BEND3: variants seen among roughly 807,000 people sequenced by gnomAD.
BEND3 encodes BEN domain-containing protein 3.
A neutral mutation model predicts 60.1 loss-of-function variants in BEND3; 13 were observed. The observed-to-expected ratio is 0.22, with a 90% CI of 0.14 to 0.34. The LOEUF is 0.34. Among genes scored for constraint, BEND3 ranks in the 10% least tolerant of loss-of-function variants. The probability of loss-of-function intolerance (pLI) is 1.00; values close to 1 mark genes in which losing one functional copy is unlikely to be tolerated. For missense variants in BEND3, 896 were observed against 1,138.1 expected (o/e 0.79, Z 3.06); for synonymous variants, 497 against 491.5 (o/e 1.01, Z -0.15).
chr6:107,107,423 T>G (rs1327848527), intron 1 of BEND3, among the ~76,000 whole-genome samples: 3 of 121,842 alleles, frequency 2.5e-5, no homozygotes, highest in Admixed American at 9.4e-5. Context: ...TTATAAAGCT[T>G]CTTTTTTTTT....
chr6:107,104,234 G>A (rs1554237094), intron 1 of BEND3, among the ~76,000 whole-genome samples: 1 of 149,404 alleles, frequency 6.7e-6, no homozygotes, highest in African/African-American at 2.5e-5. Context: ...AGCCTGCAGT[G>A]AGCCGAGATC....
At chr6:107,075,681 G>A (rs782679390) in intron 3 of BEND3, among the ~76,000 whole-genome samples, 1 of 152,136 alleles carries the variant, frequency 6.6e-6, no homozygotes, top group Non-Finnish European at 1.5e-5. Flanking sequence ...TTAAAATAAG[G>A]TTCCATTAGC....
At chr6:107,104,392 G>A (rs1002081657) in intron 1 of BEND3, among the ~76,000 whole-genome samples, 1 of 151,894 alleles carries the variant, frequency 6.6e-6, no homozygotes, top group Non-Finnish European at 1.5e-5. Context: ...ATTTTAAGAG[G>A]GAAGATACAT....
chr6:107,092,484 A>G (rs76415614), intron 3 of BEND3, among the ~76,000 whole-genome samples: 4,281 of 152,262 alleles, frequency 0.028, 185 homozygotes, highest in African/African-American at 0.097. Flanking sequence ...TCTCAACTTG[A>G]AAAAGAACAC....
intron 3 of BEND3, among the ~76,000 whole-genome samples, chr6:107,089,858 G>A (rs1333617957): frequency 6.6e-6 from 1 of 151,086 alleles, no homozygotes; most frequent in Non-Finnish European, 1.5e-5. Flanking sequence ...GCCTCCCAAA[G>A]TGCTGGGATT....
At chr6:107,102,884 C>T (rs934884922) in intron 1 of BEND3, among the ~76,000 whole-genome samples, 2 of 152,152 alleles carry the variant, frequency 1.3e-5, no homozygotes, top group Non-Finnish European at 2.9e-5. Flanking sequence ...ATAGAGAAAC[C>T]CAGGACAGGT....
intron 3 of BEND3, among the ~76,000 whole-genome samples, chr6:107,077,508 G>T (rs1310718628): frequency 6.6e-6 from 1 of 152,116 alleles, no homozygotes; most frequent in Non-Finnish European, 1.5e-5. Flanking sequence ...TTACTCTGTG[G>T]GTCATCCTTC....
intron 1 of BEND3, among the ~76,000 whole-genome samples, chr6:107,104,642 T>C (rs1340265213): frequency 6.6e-6 from 1 of 152,052 alleles, no homozygotes; most frequent in African/African-American, 2.4e-5. Context: ...TGTATAGTTT[T>C]TTCGTGGTGT....
chr6:107,097,135 G>T (rs550473175), intron 3 of BEND3, among the ~76,000 whole-genome samples: 10 of 152,302 alleles, frequency 6.6e-5, no homozygotes, highest in African/African-American at 2.4e-4. Flanking sequence ...GGGAGGCTGA[G>T]GCAGGCGGAT....
In BEND3 at chr6:107,067,595, C is replaced by T. The variant is rs1272248664; in HGVS notation, c.*1109G>A. On this transcript the variant is annotated 3_prime_UTR_variant, in exon 4 of 4. Coordinates refer to ENST00000369042, the MANE Select transcript of BEND3 (RefSeq NM_001367314.1). ...GACATGTGTACCCCATCTAAAATGG[C>T]CTGTGTCCTTCCAATGCATGGTATC... 4 of 152,340 alleles carry T rather than the reference C, an allele frequency of 2.6e-5. No individual in the cohort carries two copies. The highest frequency in any genetic ancestry group is 9.6e-5 in the African/African-American group (4 of 41,464). The allele number at this position is 152,340 out of a possible 1,614,324, so 9.4% of individuals were successfully genotyped here. A position where few individuals can be genotyped will look rare whatever the true frequency, so the allele number is the denominator to read the frequency against.
Position 107,069,709 on chromosome 6 carries a change from C to CG in BEND3, c.1481dup (p.Arg495AlafsTer2), listed in dbSNP as rs1562297585. 1.2e-6 allele frequency: 2 copies of CG among 1,610,510 alleles called. No individual in the cohort carries two copies. Among genetic ancestry groups the CG allele is most frequent in the Admixed American group, 1.7e-5 (1 of 60,008 alleles). On this transcript the variant is annotated frameshift_variant, in exon 4 of 4. Coordinates refer to ENST00000369042, the MANE Select transcript of BEND3 (RefSeq NM_001367314.1). LOFTEE classifies it high-confidence loss of function. ...TGGAGGAGTCGTAGCAGTCATCACG[C>CG]GGGGGGTCGCCTTCACTGCCCGCGT...
At chr6:107,081,764 G>C (rs80110276) in intron 3 of BEND3, among the ~76,000 whole-genome samples, 19,332 of 151,264 alleles carry the variant, frequency 0.13, 1,714 homozygotes, top group Non-Finnish European at 0.19. Flanking sequence ...GGGAGACAGA[G>C]TGAGACCCTG....
In BEND3 at chr6:107,098,662, A is replaced by C; in HGVS notation, c.129T>G (p.Ser43=). 1 of 1,614,106 alleles carries C rather than the reference A, an allele frequency of 6.2e-7. No homozygotes were observed. The highest frequency in any genetic ancestry group is 1.7e-4 in the Middle Eastern group (1 of 6,000). ...SVNSRTSEKH[S]VDSVLTALQD... is the part of the protein sequence containing the mutation. ...GCAGGGCAGTGAGGACGCTGTCCACAGAGTGCTTCTCAGAAGTCCTGGAAT... is the reference window on the plus strand; with the variant it reads ...GCAGGGCAGTGAGGACGCTGTCCACCGAGTGCTTCTCAGAAGTCCTGGAAT... Residue 43 remains serine, a synonymous_variant, in exon 3 of 4, where the codon TCT becomes TCG. Coordinates refer to ENST00000369042, the MANE Select transcript of BEND3 (RefSeq NM_001367314.1).
intron 1 of BEND3, chr6:107,114,470 C>T (rs1224735301): frequency 1.3e-5 from 2 of 151,656 alleles, no homozygotes; most frequent in African/African-American, 4.8e-5. Flanking sequence ...GCGGGCCGGC[C>T]TCGCTCCATT....
At chr6:107,071,291 G>C (rs1405362576) in intron 3 of BEND3, among the ~76,000 whole-genome samples, 7 of 152,220 alleles carry the variant, frequency 4.6e-5, no homozygotes, top group African/African-American at 1.7e-4. Context: ...CAAGAAACAG[G>C]AGGAAGAGCA....
intron 1 of BEND3, among the ~76,000 whole-genome samples, chr6:107,099,951 CCT>C (rs1174377459): frequency 2.0e-5 from 3 of 151,912 alleles, no homozygotes; most frequent in Non-Finnish European, 2.9e-5. Context: ...CTCATTGCAG[CCT>C]CTGATTCCTG....
chr6:107,084,726 C>T (rs1273084027), intron 3 of BEND3, among the ~76,000 whole-genome samples: 1 of 152,188 alleles, frequency 6.6e-6, no homozygotes, highest in Non-Finnish European at 1.5e-5. Flanking sequence ...ACACACCAAT[C>T]AGCACTCTGT....
rs1774841534 is a variant in BEND3, at chr6:107,066,809, C to T, written c.*1895G>A. Reference sequence around the variant, plus strand: ...TGTGCATGTGCTGGAGAGACTAAGGCATAGAGAAGGGCCCAAGCGAGGGGG... The same window carrying T: ...TGTGCATGTGCTGGAGAGACTAAGGTATAGAGAAGGGCCCAAGCGAGGGGG... On this transcript the variant is annotated 3_prime_UTR_variant, in exon 4 of 4. Transcript: ENST00000369042. 1 of 152,626 alleles carries T rather than the reference C, an allele frequency of 6.6e-6. No individual in the cohort carries two copies. 9.5% of individuals were successfully genotyped at this position (152,626 alleles called of 1,614,324 possible). A position where few individuals can be genotyped will look rare whatever the true frequency, so the allele number is the denominator to read the frequency against.
At chr6:107,092,391 A>C (rs1185573856) in intron 3 of BEND3, among the ~76,000 whole-genome samples, 1 of 152,252 alleles carries the variant, frequency 6.6e-6, no homozygotes, top group Non-Finnish European at 1.5e-5. Flanking sequence ...TGATCATGTC[A>C]ATAAATGCAG....
Sources: gnomAD v4.1 joint callset for allele counts (sites outside exome capture counted in the v4.1 genomes callset) on GRCh38, gnomAD v4.1.1 for gene constraint, MANE v1.5 for transcripts, NCBI Gene and HGNC (gene_info 2026-07-23, HGNC 2026-07-21) for gene names.